Variants in SMARCB1 observed in about 807,000 individuals in gnomAD.
SMARCB1 encodes the protein SWI/SNF-related matrix-associated actin-dependent regulator of chromatin subfamily B member 1.
Under a neutral mutation model 49.0 loss-of-function variants are expected in SMARCB1, and 5 were observed. The ratio of observed to expected loss-of-function variants is 0.10; its 90% CI spans 0.05 to 0.21. The LOEUF is 0.21. SMARCB1 is among the 10% of genes least tolerant of loss of function. The pLI, the probability that SMARCB1 is intolerant of heterozygous loss-of-function variation, is 1.00. For synonymous variants in SMARCB1, 201 were observed against 200.1 expected (o/e 1.00, Z -0.04); for missense variants, 226 against 509.2 (o/e 0.44, Z 5.35).
At chr22:23,816,978 C>T (rs1568952298) in intron 6 of SMARCB1, 42 bp downstream of exon 6, 3 of 1,559,924 alleles carry the variant, frequency 1.9e-6, no homozygotes, top group African/African-American at 1.4e-5. Flanking sequence ...TCCTGGCCCT[C>T]AGGGTGGGTG....
intron 5 of SMARCB1, among the ~76,000 whole-genome samples, chr22:23,809,616 T>C (rs1371415985): frequency 2.6e-5 from 4 of 151,492 alleles, no homozygotes; most frequent in Non-Finnish European, 5.9e-5. Flanking sequence ...TTTCACTGTG[T>C]TAGCCAGGAT....
intron 6 of SMARCB1, among the ~76,000 whole-genome samples, chr22:23,818,921 A>G (rs762901870): frequency 4.0e-5 from 6 of 150,112 alleles, no homozygotes; most frequent in Non-Finnish European, 8.9e-5. Context: ...GCTCACTGCA[A>G]CCTCTGCTTC....
chr22:23,833,844 G>A, intron 8 of SMARCB1, 141 bp downstream of exon 8: 1 of 965,360 alleles, frequency 1.0e-6, no homozygotes, highest in South Asian at 1.4e-5. Flanking sequence ...CAGGCTTCTG[G>A]GTGATAAGGC....
At chr22:23,792,189 G>A in intron 2 of SMARCB1, 1 of 416,662 alleles carries the variant, frequency 2.4e-6, no homozygotes, top group Non-Finnish European at 4.5e-6. Context: ...TAGGAATGCT[G>A]CGATGCTCTG....
intron 6 of SMARCB1, chr22:23,823,471 C>T (rs988475278): frequency 1.3e-5 from 2 of 152,280 alleles, no homozygotes; most frequent in African/African-American, 4.8e-5. Flanking sequence ...GACTGCAGTC[C>T]CCATTGCCTG....
At chr22:23,820,573 G>T (rs1326438371) in intron 6 of SMARCB1, among the ~76,000 whole-genome samples, 1 of 152,204 alleles carries the variant, frequency 6.6e-6, no homozygotes, top group Non-Finnish European at 1.5e-5. Flanking sequence ...CTCTGACTCA[G>T]TCAGTCAATC....
At position 23,796,853 on chromosome 22, in the gene SMARCB1, A is replaced by T. The variant is rs558830853; in HGVS notation, c.362+3165A>T. Among the ~76,000 whole-genome samples the T allele has an allele frequency of 2.5e-3, 382 of 152,196 alleles. 2 individuals are homozygous for T. The highest frequency in any genetic ancestry group is 0.016 in the South Asian group (76 of 4,818). ...TGGGGGCTGGCAGAGGTTTGAGGGA[A>T]GTGGCTTTGGCTGGCTCCACACTAC... On this transcript the variant is annotated intron_variant, in intron 3 of 8. Transcript: ENST00000644036.
At position 23,836,057 on chromosome 22, in the gene SMARCB1, G is replaced by A. The variant is rs896027769; in HGVS notation, c.*1877G>A. The A allele has an allele frequency of 2.0e-6, 2 of 985,412 alleles. No individual in the cohort carries two copies. The highest frequency in any genetic ancestry group is 2.3e-4 in the East Asian group (2 of 8,830). The allele number at this position is 985,412 out of a possible 1,614,324, so 61.0% of individuals were successfully genotyped here. A position where few individuals can be genotyped will look rare whatever the true frequency, so the allele number is the denominator to read the frequency against. ...CAGGCTTAGAACAACAAGGAAAGCT[G>A]CCAGGTCAGAAGAGAAAAATGAGCC... On this transcript the variant is annotated 3_prime_UTR_variant, in exon 9 of 9. Transcript: ENST00000644036.
At position 23,799,679 on chromosome 22, in the gene SMARCB1, A is replaced by ATTTTTTTT. The variant is rs71184912; in HGVS notation, c.363-1249_363-1242dup. ...AGGTTCCTGCCATCACACCTGGCTA[A>ATTTTTTTT]TTTTTTTTTTTTTTTTTTTTTTTGA... On this transcript the variant is annotated intron_variant, in intron 3 of 8. Transcript: ENST00000644036. Among the ~76,000 whole-genome samples, 358 of 68,386 alleles carry ATTTTTTTT rather than the reference A, an allele frequency of 5.2e-3. 25 individuals carry two copies. Among genetic ancestry groups the ATTTTTTTT allele is most frequent in the South Asian group, 0.038 (58 of 1,522 alleles). The allele number at this position is 68,386 out of a possible 152,430, so 44.9% of individuals were successfully genotyped here.
Position 23,828,940 on chromosome 22 carries a change from A to T in SMARCB1, c.986+3525A>T, listed in dbSNP as rs535932865. On this transcript the variant is annotated intron_variant, in intron 7 of 8. Coordinates refer to ENST00000644036, the MANE Select transcript of SMARCB1 (RefSeq NM_003073.5). ...CAGGAGACAAGCATGAAGGGGAAAC[A>T]GGGGCATGTGACAAACTGGTCAGAA... Among the ~76,000 whole-genome samples the T allele has an allele frequency of 2.0e-5, 3 of 152,254 alleles. No individual in the cohort carries two copies. The East Asian group carries it at 5.8e-4, about 29-fold the overall frequency.
chr22:23,799,721 G>A (rs1234593369), intron 3 of SMARCB1, among the ~76,000 whole-genome samples: 1 of 112,596 alleles, frequency 8.9e-6, no homozygotes. Flanking sequence ...GTCTTGCTCT[G>A]TCTCCCACTC....
At position 23,787,110 on chromosome 22, in the gene SMARCB1, C is replaced by T. The variant is rs1928031867; in HGVS notation, c.-60C>T. The stretch of plus-strand genomic sequence containing the variant: ...TCCCTCGGCCCAGCACGCCCCGGCC[C>T]CGCCCCAGCCCTCCTGATCCCTCGC... On this transcript the variant is annotated 5_prime_UTR_variant, in exon 1 of 9. Coordinates refer to ENST00000644036, the MANE Select transcript of SMARCB1 (RefSeq NM_003073.5). 4.5e-6 allele frequency: 5 copies of T among 1,104,082 alleles called. No homozygotes were observed. The highest frequency in any genetic ancestry group is 1.6e-5 in the African/African-American group (1 of 63,486). The allele number at this position is 1,104,082 out of a possible 1,614,324, so 68.4% of individuals were successfully genotyped here. A position where few individuals can be genotyped will look rare whatever the true frequency, so the allele number is the denominator to read the frequency against.
chr22:23,793,753 C>G (rs2145964968), intron 3 of SMARCB1, 65 bp downstream of exon 3: 1 of 1,455,718 alleles, frequency 6.9e-7, no homozygotes, highest in Non-Finnish European at 9.6e-7. Context: ...GACTCAAGAA[C>G]TGGTTGGGTT....
Position 23,791,767 on chromosome 22 carries a change from C to T in SMARCB1, c.105C>T (p.Tyr35=), listed in dbSNP as rs1176990918. Residue 35 remains tyrosine (Y), a synonymous_variant, in exon 2 of 9, where the codon TAC becomes TAT. Transcript: ENST00000644036. ...FYMIGSEVGN[Y]LRMFRGSLYK... is the part of the protein sequence containing the mutation. ...TGCTTTACTCATAGGTGGGAAACTA[C>T]CTCCGTATGTTCCGAGGTTCTCTGT... 1.2e-6 allele frequency: 2 copies of T among 1,614,068 alleles called. No individual in the cohort carries two copies. Among genetic ancestry groups the T allele is most frequent in the East Asian group, 2.2e-5 (1 of 44,890 alleles).
intron 5 of SMARCB1, 46 bp from the exon 6 acceptor site, chr22:23,816,724 A>G: frequency 6.4e-7 from 1 of 1,561,950 alleles, no homozygotes; most frequent in Non-Finnish European, 8.8e-7. Flanking sequence ...GTCCATGCCC[A>G]AGCATGGTGC....
chr22:23,821,397 C>T (rs971151029), intron 6 of SMARCB1, among the ~76,000 whole-genome samples: 1 of 151,888 alleles, frequency 6.6e-6, no homozygotes, highest in Non-Finnish European at 1.5e-5. Context: ...AATTGGGACT[C>T]AGAAGAGCTG....
chr22:23,796,001 C>T (rs922930569), intron 3 of SMARCB1, among the ~76,000 whole-genome samples: 5 of 151,992 alleles, frequency 3.3e-5, no homozygotes, highest in Non-Finnish European at 7.4e-5. Context: ...CCATTGTGCC[C>T]AGGCTGGTCT....
intron 3 of SMARCB1, among the ~76,000 whole-genome samples, chr22:23,799,002 A>G (rs1430751835): frequency 6.6e-6 from 1 of 150,392 alleles, no homozygotes; most frequent in African/African-American, 2.4e-5. Flanking sequence ...TTGAGCCCAG[A>G]TGGCGCCACT....
At chr22:23,804,575 ACT>A (rs750881022) in intron 5 of SMARCB1, among the ~76,000 whole-genome samples, 4 of 152,052 alleles carry the variant, frequency 2.6e-5, no homozygotes, top group Non-Finnish European at 5.9e-5. Context: ...ATGGAGTCTC[ACT>A]CTGTCGCCCA....
Sources: gnomAD v4.1 joint callset for allele counts (sites outside exome capture counted in the v4.1 genomes callset) on GRCh38, gnomAD v4.1.1 for gene constraint, MANE v1.5 for transcripts, NCBI Gene and HGNC (gene_info 2026-07-23, HGNC 2026-07-21) for gene names.